The following UBQLN1 variants were observed in gnomAD, a reference collection of about 807,000 sequenced individuals.
UBQLN1 encodes ubiquilin-1.
UBQLN1 carries 13 observed loss-of-function variants against 65.4 expected under a neutral mutation model. That is an observed-to-expected ratio of 0.20 (90% CI 0.13 to 0.32). UBQLN1 has a LOEUF of 0.32. UBQLN1 is among the 10% of genes least tolerant of loss of function. UBQLN1 has a pLI of 1.00. For synonymous variants in UBQLN1, 267 were observed against 247.8 expected (o/e 1.08, Z -0.73); for missense variants, 561 against 724.0 (o/e 0.77, Z 2.58).
At chr9:83,674,245 G>A (rs991899957) in intron 6 of UBQLN1, among the ~76,000 whole-genome samples, 1 of 151,222 alleles carries the variant, frequency 6.6e-6, no homozygotes, top group Non-Finnish European at 1.5e-5. Context: ...AAGGAAGAAG[G>A]AGAGTTACAA....
chr9:83,705,606 C>T (rs1221244150), intron 1 of UBQLN1, among the ~76,000 whole-genome samples: 1 of 152,184 alleles, frequency 6.6e-6, no homozygotes, highest in Admixed American at 6.5e-5. Flanking sequence ...CTATGACCTA[C>T]TCAAACCAAG....
At chr9:83,663,615 A>G (rs1831597397) in intron 10 of UBQLN1, among the ~76,000 whole-genome samples, 1 of 152,204 alleles carries the variant, frequency 6.6e-6, no homozygotes, top group Non-Finnish European at 1.5e-5. Flanking sequence ...TTTTAAAGGC[A>G]ATTTCTAAAA....
chr9:83,673,564 A>AC (rs1831774645), intron 6 of UBQLN1, among the ~76,000 whole-genome samples: 1 of 39,032 alleles, frequency 2.6e-5, no homozygotes. Flanking sequence ...AAAAAAAAAA[A>AC]AAACAAAAAA....
intron 10 of UBQLN1, among the ~76,000 whole-genome samples, chr9:83,663,459 T>C (rs1011436511): frequency 6.6e-6 from 1 of 152,088 alleles, no homozygotes; most frequent in African/African-American, 2.4e-5. Context: ...TTAAGGTAGT[T>C]AGGACTTTTT....
At chr9:83,690,500 TA>T (rs1832109104) in intron 1 of UBQLN1, among the ~76,000 whole-genome samples, 1 of 152,206 alleles carries the variant, frequency 6.6e-6, no homozygotes, top group Non-Finnish European at 1.5e-5. Flanking sequence ...CACGAACCTG[TA>T]CATTTATGAC....
intron 1 of UBQLN1, among the ~76,000 whole-genome samples, chr9:83,698,769 C>T (rs1240831627): frequency 6.6e-6 from 1 of 151,992 alleles, no homozygotes; most frequent in East Asian, 1.9e-4. Flanking sequence ...ACAAAGTAGC[C>T]AAGCATGGTG....
chr9:83,688,814 T>C (rs1468991760), intron 1 of UBQLN1, among the ~76,000 whole-genome samples: 1 of 151,940 alleles, frequency 6.6e-6, no homozygotes, highest in Non-Finnish European at 1.5e-5. Flanking sequence ...TGAGCCGAGA[T>C]TGCACCATTG....
rs1831548845 is a variant in UBQLN1 at position 83,660,660 on chromosome 9, G to GCCCCACCC, written c.*1119_*1126dup. On this transcript the variant is annotated 3_prime_UTR_variant, in exon 11 of 11. Transcript: ENST00000376395. The stretch of plus-strand genomic sequence containing the variant: ...GGCCCCATCCAGGACAGATTCCGCT[G>GCCCCACCC]CCCCACCCCCCCACCCCGTCCCCCT... The GCCCCACCC allele has an allele frequency of 1.4e-5, 2 of 139,984 alleles. No individual in the cohort carries two copies. Among genetic ancestry groups the GCCCCACCC allele is most frequent in the Admixed American group, 7.4e-5 (1 of 13,478 alleles). The allele number at this position is 139,984 out of a possible 1,614,324, so 8.7% of individuals were successfully genotyped here.
At chr9:83,699,183 G>A (rs1195184422) in intron 1 of UBQLN1, among the ~76,000 whole-genome samples, 1 of 152,164 alleles carries the variant, frequency 6.6e-6, no homozygotes, top group South Asian at 2.1e-4. Flanking sequence ...GGTAACAATT[G>A]TACAACAATG....
intron 3 of UBQLN1, among the ~76,000 whole-genome samples, chr9:83,682,445 C>T (rs563858251): frequency 1.3e-5 from 2 of 152,064 alleles, no homozygotes; most frequent in East Asian, 1.9e-4. Flanking sequence ...CATCACTGCA[C>T]TCTAGCCTCC....
chr9:83,665,976 A>G (rs1831637695), intron 8 of UBQLN1, among the ~76,000 whole-genome samples: 1 of 152,224 alleles, frequency 6.6e-6, no homozygotes. Context: ...TATAAAATAG[A>G]ATAGGGTAGC....
intron 1 of UBQLN1, among the ~76,000 whole-genome samples, chr9:83,702,503 G>C (rs1832328467): frequency 6.6e-6 from 1 of 151,686 alleles, no homozygotes; most frequent in Non-Finnish European, 1.5e-5. Context: ...ATATATATAA[G>C]CCACAAGTAA....
intron 1 of UBQLN1, among the ~76,000 whole-genome samples, chr9:83,686,757 T>A (rs1279361157): frequency 2.6e-5 from 4 of 152,132 alleles, no homozygotes; most frequent in Non-Finnish European, 5.9e-5. Context: ...GTATCTCTAA[T>A]GCAAATACCC....
rs1320933459 is a variant in UBQLN1, at chr9:83,660,406, G to A, written c.*1381C>T. On this transcript the variant is annotated 3_prime_UTR_variant, in exon 11 of 11. Coordinates refer to ENST00000376395, the MANE Select transcript of UBQLN1 (RefSeq NM_013438.5). Reference sequence around the variant, plus strand: ...ACCAGAGTCAGCCAAATGTATCACTGACCCTCAATTATGTTTTAATTGGTC... The same window carrying A: ...ACCAGAGTCAGCCAAATGTATCACTAACCCTCAATTATGTTTTAATTGGTC... 6.6e-6 allele frequency: 1 copy of A among 152,526 alleles called. No individual in the cohort carries two copies. Among genetic ancestry groups the A allele is most frequent in the Non-Finnish European group, 1.5e-5 (1 of 68,026 alleles). The allele number at this position is 152,526 out of a possible 1,614,324, so 9.4% of individuals were successfully genotyped here.
intron 6 of UBQLN1, among the ~76,000 whole-genome samples, chr9:83,671,505 A>G (rs1209566637): frequency 1.3e-5 from 2 of 152,106 alleles, no homozygotes; most frequent in Non-Finnish European, 2.9e-5. Context: ...AAACAACATT[A>G]ATCTCCTTGC....
intron 7 of UBQLN1, chr9:83,667,120 T>G (rs915902828): frequency 1.3e-5 from 2 of 152,208 alleles, no homozygotes; most frequent in Non-Finnish European, 2.9e-5. Context: ...TTCACCTCAC[T>G]ACTACCAGAG....
At chr9:83,690,636 AC>A (rs1363095632) in intron 1 of UBQLN1, among the ~76,000 whole-genome samples, 7 of 152,294 alleles carry the variant, frequency 4.6e-5, no homozygotes, top group African/African-American at 1.7e-4. Context: ...TGGGAGGCCA[AC>A]ATGGGAGGAC....
rs544818931 is a variant in UBQLN1 at position 83,685,161 on chromosome 9, G to A, written c.332+843C>T. On this transcript the variant is annotated intron_variant, in intron 2 of 10. Coordinates refer to ENST00000376395, the MANE Select transcript of UBQLN1 (RefSeq NM_013438.5). ...AATAGCACCAAAATAGAAGGAATAT[G>A]TTGAATGAGTAAAGCAAGTATTTGC... is the stretch of plus-strand genomic sequence containing the variant. 9.2e-5 allele frequency among the ~76,000 whole-genome samples: 14 copies of A among 152,270 alleles called. No homozygotes were observed. In the South Asian group the frequency reaches 1.2e-3, roughly 14 times the overall value.
At chr9:83,662,416 G>A (rs922011774) in intron 10 of UBQLN1, among the ~76,000 whole-genome samples, 7 of 151,782 alleles carry the variant, frequency 4.6e-5, no homozygotes, top group Non-Finnish European at 1.0e-4. Flanking sequence ...ATGATTCTTC[G>A]AATGAATGTG....
Sources: gnomAD v4.1 joint callset for allele counts (sites outside exome capture counted in the v4.1 genomes callset) on GRCh38, gnomAD v4.1.1 for gene constraint, MANE v1.5 for transcripts, NCBI Gene and HGNC (gene_info 2026-07-23, HGNC 2026-07-21) for gene names.